SLC9A3: variants seen among roughly 807,000 people sequenced by gnomAD.
The protein encoded by SLC9A3 is sodium/hydrogen exchanger 3.
In SLC9A3, 37 loss-of-function variants were observed where a neutral mutation model predicts 86.8. That is an observed-to-expected ratio of 0.43 (90% CI 0.33 to 0.56). The LOEUF (loss-of-function observed/expected upper bound fraction) is 0.56. SLC9A3 is among the 20% of genes least tolerant of loss of function. The pLI is 0.06. For synonymous variants in SLC9A3, 581 were observed against 528.3 expected, an observed-to-expected ratio of 1.10 and a Z score of -1.37; for missense variants, 1,011 against 1,171.9, an observed-to-expected ratio of 0.86 and a Z score of 2.00.
chr5:492,236 AGGG>A (rs1739794307), intron 1 of SLC9A3, among the ~76,000 whole-genome samples, 165 bp from the exon 2 acceptor site: 1 of 3,396 alleles, frequency 2.9e-4, no homozygotes, highest in African/African-American at 9.6e-4. Context: ...TCGTGGAGGA[AGGG>A]AGGAAGGTGT....
At chr5:498,100 C>T (rs1740110292) in intron 1 of SLC9A3, among the ~76,000 whole-genome samples, 1 of 152,248 alleles carries the variant, frequency 6.6e-6, no homozygotes, top group Non-Finnish European at 1.5e-5. Context: ...CTGGACGTCT[C>T]TCGGACCTTT....
chr5:507,246 G>A (rs1311477348), intron 1 of SLC9A3, among the ~76,000 whole-genome samples: 1 of 120,158 alleles, frequency 8.3e-6, no homozygotes, highest in Non-Finnish European at 1.6e-5. Flanking sequence ...TGGGCTCACT[G>A]CAAGCTCCGC....
intron 1 of SLC9A3, among the ~76,000 whole-genome samples, chr5:518,226 G>A (rs968685564): frequency 6.6e-6 from 1 of 152,226 alleles, no homozygotes; most frequent in South Asian, 2.1e-4. Flanking sequence ...GGTGGAGCAG[G>A]AGAGATGCTG....
rs763088773 is a variant in SLC9A3 at position 524,224 on chromosome 5, G to A, written c.99C>T (p.Gly33=). The A allele has an allele frequency of 1.1e-5, 16 of 1,507,720 alleles. No homozygotes were observed. The highest frequency in any genetic ancestry group is 1.4e-5 in the African/African-American group (1 of 69,410). The allele number at this position is 1,507,720 out of a possible 1,614,324, so 93.4% of individuals were successfully genotyped here. The change falls in exon 1 of 17, where the codon GGC becomes GGT. Residue 33 remains glycine, a synonymous_variant. Coordinates refer to ENST00000264938, the MANE Select transcript of SLC9A3 (RefSeq NM_004174.4). ...AGCCCCCGCTCTCGCCGTGCGCGCCGCCGGGCTCCACCTCGACGCCCCCGG... is the reference window on the plus strand; with the variant it reads ...AGCCCCCGCTCTCGCCGTGCGCGCCACCGGGCTCCACCTCGACGCCCCCGG... ...ARAGGVEVEP[G]GAHGESGGFQ... is the part of the protein sequence containing the mutation.
At chr5:479,478 C>G (rs1739011357) in intron 10 of SLC9A3, 1 of 260,908 alleles carries the variant, frequency 3.8e-6, no homozygotes, top group Non-Finnish European at 7.6e-6. Flanking sequence ...CACCTGTGGG[C>G]ACCTGCGTGT....
chr5:483,562 C>G (rs1739323295), intron 5 of SLC9A3, 80 bp from the exon 6 acceptor site: 2 of 999,200 alleles, frequency 2.0e-6, no homozygotes, highest in Non-Finnish European at 3.1e-6. Context: ...CCCCCCACGG[C>G]CTGGCGCCTG....
chr5:498,272 C>T (rs1419030817), intron 1 of SLC9A3, among the ~76,000 whole-genome samples: 3 of 152,118 alleles, frequency 2.0e-5, no homozygotes, highest in Admixed American at 6.5e-5. Context: ...CTGCTGCTTC[C>T]GTGACTCACA....
chr5:482,495 G>T, intron 7 of SLC9A3, 53 bp downstream of exon 7: 1 of 1,451,556 alleles, frequency 6.9e-7, no homozygotes, highest in Non-Finnish European at 9.5e-7. Context: ...GCGGGCCCAG[G>T]CTCCCCTCGC....
At chr5:477,930 G>A (rs1560950653) in intron 10 of SLC9A3, 1 of 155,270 alleles carries the variant, frequency 6.4e-6, no homozygotes, top group Admixed American at 6.5e-5. Flanking sequence ...CCGCCTATGT[G>A]TCCTCAGACC....
At chr5:512,557 C>A (rs1733585589) in intron 1 of SLC9A3, among the ~76,000 whole-genome samples, 1 of 152,112 alleles carries the variant, frequency 6.6e-6, no homozygotes, top group African/African-American at 2.4e-5. Flanking sequence ...ATGTATCACA[C>A]CAATGCCACC....
chr5:512,040 C>T (rs546648529), intron 1 of SLC9A3, among the ~76,000 whole-genome samples: 16 of 152,284 alleles, frequency 1.1e-4, no homozygotes, highest in South Asian at 2.1e-4. Flanking sequence ...TCTAACTACA[C>T]GACATTCTGG....
At chr5:507,611 C>G (rs1043530712) in intron 1 of SLC9A3, among the ~76,000 whole-genome samples, 40 of 151,644 alleles carry the variant, frequency 2.6e-4, no homozygotes, top group African/African-American at 9.7e-4. Context: ...CCCCCAACAC[C>G]CCAATCCCTG....
At position 472,011 on chromosome 5, in the gene SLC9A3, C is replaced by G. The variant is rs2126595709; in HGVS notation, c.*1368G>C. The G allele has an allele frequency of 2.2e-6, 1 of 456,654 alleles. No individual in the cohort carries two copies. The highest frequency in any genetic ancestry group is 6.9e-5 in the East Asian group (1 of 14,528). The allele number at this position is 456,654 out of a possible 1,614,324, so 28.3% of individuals were successfully genotyped here. ...TTTTCCTGAGCAAGGAGCTGCGAGT[C>G]TAGCTTTAGAAAAGCCCCTAGGAGT... On this transcript the variant is annotated 3_prime_UTR_variant, in exon 17 of 17. Coordinates refer to ENST00000264938, the MANE Select transcript of SLC9A3 (RefSeq NM_004174.4).
At chr5:489,629 G>A (rs907643891) in intron 2 of SLC9A3, among the ~76,000 whole-genome samples, 4 of 152,196 alleles carry the variant, frequency 2.6e-5, no homozygotes, top group African/African-American at 9.7e-5. Context: ...AGAAGAACCA[G>A]CGTTCAGGGA....
At chr5:476,807 G>C in intron 11 of SLC9A3, 135 bp from the exon 12 acceptor site, 1 of 1,075,606 alleles carries the variant, frequency 9.3e-7, no homozygotes, top group Non-Finnish European at 1.3e-6. Flanking sequence ...GTGGGCACCC[G>C]GCTGGGGCAC....
chr5:486,248 G>A lies in SLC9A3; in HGVS notation c.676-1017C>T, dbSNP rs189849539. ...GGGGGAGGATGGGCAGGGGCAGCAC[G>A]GGGCGGGGGCAGTGTGGGGGCTGGG... On this transcript the variant is annotated intron_variant, in intron 3 of 16. Transcript: ENST00000264938. Among the ~76,000 whole-genome samples, 111 of 152,282 alleles carry A rather than the reference G, an allele frequency of 7.3e-4. No individual in the cohort carries two copies. In the East Asian group the frequency reaches 0.01, roughly 14 times the overall value.
Position 473,332 on chromosome 5 carries a change from C to T in SLC9A3, c.*47G>A, listed in dbSNP as rs774912735. ...ACAGCGGCGGCGGCGGTGGGCGGAC[C>T]GTGGCGCGGGGACGAGCGGCCGGTT... On this transcript the variant is annotated 3_prime_UTR_variant, in exon 17 of 17. Coordinates refer to ENST00000264938, the MANE Select transcript of SLC9A3 (RefSeq NM_004174.4). 1.3e-5 allele frequency: 19 copies of T among 1,407,918 alleles called. No individual in the cohort carries two copies. Among genetic ancestry groups the T allele is most frequent in the Admixed American group, 1.1e-4 (4 of 36,936 alleles). 87.2% of individuals were successfully genotyped at this position (1,407,918 alleles called of 1,614,324 possible). A position where few individuals can be genotyped will look rare whatever the true frequency, so the allele number is the denominator to read the frequency against.
At position 475,695 on chromosome 5, in the gene SLC9A3, G is replaced by A. The variant is rs1354560293; in HGVS notation, c.2141-24C>T. On this transcript the variant is annotated intron_variant, in intron 14 of 16. Transcript: ENST00000264938. ...GTCTGGGGAAGACAGGTTGGGGTGA[G>A]GACTGGGGTCACTGGGGGGCTGTCC... is the stretch of plus-strand genomic sequence containing the variant. 3.0e-6 allele frequency: 4 copies of A among 1,354,170 alleles called. No individual in the cohort carries two copies. The Admixed American group carries it at 5.9e-5, about 20-fold the overall frequency. The allele number at this position is 1,354,170 out of a possible 1,614,324, so 83.9% of individuals were successfully genotyped here.
rs776297825 is a variant in SLC9A3, at chr5:484,555, C to T, written c.897G>A (p.Leu299=). 1 of 1,613,260 alleles carries T rather than the reference C, an allele frequency of 6.2e-7. No homozygotes were observed. The highest frequency in any genetic ancestry group is 8.5e-7 in the Non-Finnish European group (1 of 1,179,948). ...CCGACAGCGACAGCATCTCGGACGT[C>T]AGGTAGGACAGGTAGGAGATGATGA... The part of the protein sequence containing the change: ...FVFIISYLSY[L]TSEMLSLSAI... Residue 299 remains leucine (L), a synonymous_variant, in exon 5 of 17, where the codon CTG becomes CTA. Coordinates refer to ENST00000264938, the MANE Select transcript of SLC9A3 (RefSeq NM_004174.4).
Sources: allele counts gnomAD v4.1 joint callset (sites outside exome capture counted in the v4.1 genomes callset), GRCh38; gene constraint gnomAD v4.1.1; transcripts MANE v1.5; gene names NCBI Gene and HGNC (gene_info 2026-07-23, HGNC 2026-07-21).